ADCY3: variants seen among roughly 807,000 people sequenced by gnomAD.
The protein encoded by ADCY3 is adenylate cyclase type 3.
ADCY3 carries 70 observed loss-of-function variants against 119.4 expected under a neutral mutation model. The ratio of observed to expected loss-of-function variants is 0.59; its 90% CI spans 0.48 to 0.72. ADCY3 has a LOEUF of 0.72. Among genes scored for constraint, ADCY3 ranks in the 30% least tolerant of loss-of-function variants. ADCY3 has a pLI of 0.00. For synonymous variants in ADCY3, 672 were observed against 621.4 expected (o/e 1.08, Z -1.21); for missense variants, 1,238 against 1,541.6 (o/e 0.80, Z 3.30).
intron 2 of ADCY3, among the ~76,000 whole-genome samples, chr2:24,911,646 A>C (rs1663674060): frequency 3.5e-5 from 2 of 57,616 alleles, no homozygotes; most frequent in African/African-American, 2.4e-4. Context: ...TCAAAAAAAA[A>C]AAAAAAAAAA....
At chr2:24,836,874 C>T (rs775396668) in intron 9 of ADCY3, 43 bp downstream of exon 9, 30 of 1,567,240 alleles carry the variant, frequency 1.9e-5, no homozygotes, top group Non-Finnish European at 2.6e-6. Flanking sequence ...TGCCTGCCCG[C>T]ATCTGGCCCT....
intron 8 of ADCY3, among the ~76,000 whole-genome samples, chr2:24,837,923 C>A (rs1460701132): frequency 6.6e-6 from 1 of 151,964 alleles, no homozygotes; most frequent in African/African-American, 2.4e-5. Context: ...CGAGACAATT[C>A]TTCTTCTTCC....
chr2:24,896,486 G>A (rs1405601610), intron 2 of ADCY3, among the ~76,000 whole-genome samples: 1 of 151,782 alleles, frequency 6.6e-6, no homozygotes, highest in Non-Finnish European at 1.5e-5. Flanking sequence ...TTGTTAGTGG[G>A]TCAGTCACAT....
rs144290530 is a variant in ADCY3 at position 24,873,256 on chromosome 2, C to T, written c.676-537G>A. Among the ~76,000 whole-genome samples the T allele has an allele frequency of 8.5e-5, 13 of 152,308 alleles. No individual in the cohort carries two copies. In the South Asian group the frequency reaches 1.2e-3, roughly 15 times the overall value. On this transcript the variant is annotated intron_variant, in intron 2 of 21. Coordinates refer to ENST00000679454, the MANE Select transcript of ADCY3 (RefSeq NM_004036.5). ...CCCCTGAAGAGGTCTCAGGCTGATTCGGCAGTCACAATGTTTACCTTACAC... is the reference window on the plus strand; with the variant it reads ...CCCCTGAAGAGGTCTCAGGCTGATTTGGCAGTCACAATGTTTACCTTACAC...
At chr2:24,912,829 T>C (rs1299835777) in intron 2 of ADCY3, among the ~76,000 whole-genome samples, 1 of 152,098 alleles carries the variant, frequency 6.6e-6, no homozygotes, top group East Asian at 1.9e-4. Flanking sequence ...GATGACAAAC[T>C]GGGAAAGCTC....
At chr2:24,830,021 G>A (rs1264076270) in intron 13 of ADCY3, among the ~76,000 whole-genome samples, 1 of 150,610 alleles carries the variant, frequency 6.6e-6, no homozygotes, top group Non-Finnish European at 1.5e-5. Context: ...TCCTGGCTGT[G>A]TGACCTAGAG....
In ADCY3 at chr2:24,821,657, T is replaced by A; in HGVS notation, c.3004-17A>T. ...CTTGTCTTCCTGTGCCAGGGGACCG[T>A]GGAGAAAGTGTCAGGGGCCGCTCAC... On this transcript the variant is annotated splice_polypyrimidine_tract_variant and intron_variant, in intron 19 of 21. Coordinates refer to ENST00000679454, the MANE Select transcript of ADCY3 (RefSeq NM_004036.5). 3 of 1,613,166 alleles carry A rather than the reference T, an allele frequency of 1.9e-6. No individual in the cohort carries two copies. The highest frequency in any genetic ancestry group is 2.5e-6 in the Non-Finnish European group (3 of 1,179,604).
At chr2:24,901,121 A>C (rs1678849117) in intron 2 of ADCY3, among the ~76,000 whole-genome samples, 1 of 151,942 alleles carries the variant, frequency 6.6e-6, no homozygotes, top group African/African-American at 2.4e-5. Context: ...GGAGCAGGTC[A>C]GAGCCGAGCA....
At chr2:24,897,681 G>A (rs1469642470) in intron 2 of ADCY3, among the ~76,000 whole-genome samples, 3 of 152,190 alleles carry the variant, frequency 2.0e-5, no homozygotes, top group African/African-American at 4.8e-5. Flanking sequence ...TTTATGGGGA[G>A]TGTGTTGAAA....
At chr2:24,822,364 T>G in intron 19 of ADCY3, 147 bp downstream of exon 19, 1 of 1,165,562 alleles carries the variant, frequency 8.6e-7, no homozygotes. Flanking sequence ...ATAAACCCTA[T>G]TTCTTATTTA....
intron 2 of ADCY3, among the ~76,000 whole-genome samples, chr2:24,912,207 T>C (rs1490779676): frequency 6.6e-6 from 1 of 150,886 alleles, no homozygotes; most frequent in African/African-American, 2.4e-5. Flanking sequence ...CTCACACCTG[T>C]AATCCAGCAC....
At chr2:24,854,062 C>G (rs923174012) in intron 3 of ADCY3, among the ~76,000 whole-genome samples, 7 of 152,222 alleles carry the variant, frequency 4.6e-5, no homozygotes, top group Non-Finnish European at 1.0e-4. Flanking sequence ...TCTCCCAGGA[C>G]TGCACCTGTT....
In ADCY3 at chr2:24,837,062, C is replaced by G; in HGVS notation, c.1534-17G>C. The G allele has an allele frequency of 6.2e-7, 1 of 1,612,992 alleles. No individual in the cohort carries two copies. Among genetic ancestry groups the G allele is most frequent in the Non-Finnish European group, 8.5e-7 (1 of 1,179,548 alleles). On this transcript the variant is annotated splice_polypyrimidine_tract_variant and intron_variant, in intron 8 of 21. Transcript: ENST00000679454. ...GGGCAGGGCCTAGAGGAAAGGAGAG[C>G]TCAGCCATGATCTGGGCATGGGATG... is the stretch of plus-strand genomic sequence containing the variant.
At chr2:24,825,177 G>A (rs569154787) in intron 16 of ADCY3, among the ~76,000 whole-genome samples, 4 of 152,264 alleles carry the variant, frequency 2.6e-5, no homozygotes, top group East Asian at 1.9e-4. Flanking sequence ...TCTAGCAGGC[G>A]CCATTTGGGT....
chr2:24,895,181 C>T (rs1418645694), intron 2 of ADCY3, among the ~76,000 whole-genome samples: 1 of 152,124 alleles, frequency 6.6e-6, no homozygotes, highest in African/African-American at 2.4e-5. Flanking sequence ...ACCTCCTCCT[C>T]ATGGGTTCAA....
intron 2 of ADCY3, among the ~76,000 whole-genome samples, chr2:24,885,282 A>G (rs1163480251): frequency 6.6e-6 from 1 of 152,220 alleles, no homozygotes; most frequent in Admixed American, 6.5e-5. Flanking sequence ...AAGTGGAACC[A>G]GAGGCCCAGA....
chr2:24,836,891 C>A (rs1670388002), intron 9 of ADCY3, 26 bp downstream of exon 9: 2 of 1,585,428 alleles, frequency 1.3e-6, no homozygotes, highest in Non-Finnish European at 1.7e-6. Context: ...CCCTCAGTGA[C>A]CCCCTGCCCT....
intron 2 of ADCY3, among the ~76,000 whole-genome samples, chr2:24,893,602 C>CTTTTTT (rs10707204): frequency 6.8e-6 from 1 of 146,524 alleles, no homozygotes. Flanking sequence ...CAATACCTGT[C>CTTTTTT]TTTTTTTTTT....
At chr2:24,916,565 G>A (rs981278204) in intron 2 of ADCY3, among the ~76,000 whole-genome samples, 6 of 152,136 alleles carry the variant, frequency 3.9e-5, no homozygotes, top group Admixed American at 6.5e-5. Flanking sequence ...GCCTGTCATC[G>A]CAGCTACTCA....
Sources: gnomAD v4.1 joint callset for allele counts (sites outside exome capture counted in the v4.1 genomes callset) on GRCh38, gnomAD v4.1.1 for gene constraint, MANE v1.5 for transcripts, NCBI Gene and HGNC (gene_info 2026-07-23, HGNC 2026-07-21) for gene names.